HNF4G: variants seen among roughly 807,000 people sequenced by gnomAD.
HNF4G encodes the protein hepatocyte nuclear factor 4-gamma.
HNF4G carries 21 observed loss-of-function variants against 50.9 expected under a neutral mutation model. The observed-to-expected ratio is 0.41, with a 90% CI of 0.29 to 0.59. HNF4G has a LOEUF of 0.59. HNF4G is among the 20% of genes least tolerant of loss of function. The pLI is 0.26. For synonymous variants in HNF4G, 198 were observed against 185.6 expected, an observed-to-expected ratio of 1.07 and a Z score of -0.54; for missense variants, 527 against 559.4, an observed-to-expected ratio of 0.94 and a Z score of 0.58.
intron 1 of HNF4G, among the ~76,000 whole-genome samples, chr8:75,445,681 A>C (rs1320721381): frequency 7.6e-6 from 1 of 130,990 alleles, no homozygotes; most frequent in Admixed American, 7.7e-5. Context: ...AAAATCGAGA[A>C]GAAATGGATA....
At chr8:75,430,768 C>T (rs1810998170) in intron 1 of HNF4G, among the ~76,000 whole-genome samples, 1 of 152,072 alleles carries the variant, frequency 6.6e-6, no homozygotes, top group Non-Finnish European at 1.5e-5. Flanking sequence ...AAAGGTCCCA[C>T]ATAACTCTCA....
chr8:75,472,141 C>G (rs1812128989), intron 1 of HNF4G, among the ~76,000 whole-genome samples: 1 of 152,196 alleles, frequency 6.6e-6, no homozygotes, highest in Non-Finnish European at 1.5e-5. Flanking sequence ...TACCACTCCT[C>G]TTTCCCACCT....
intron 1 of HNF4G, among the ~76,000 whole-genome samples, chr8:75,467,770 AT>A (rs901213734): frequency 4.6e-5 from 7 of 151,600 alleles, no homozygotes; most frequent in Admixed American, 2.0e-4. Flanking sequence ...AAAAGTAATT[AT>A]TTTTTTTTAA....
chr8:75,458,388 T>TC (rs34196989), intron 1 of HNF4G, among the ~76,000 whole-genome samples: 6,544 of 149,478 alleles, frequency 0.044, 125 homozygotes, highest in Non-Finnish European at 0.065. Context: ...TTTTTTTTTT[T>TC]TTTACTTCTA....
At chr8:75,518,882 C>T (rs572607092) in intron 2 of HNF4G, among the ~76,000 whole-genome samples, 30 of 152,220 alleles carry the variant, frequency 2.0e-4, no homozygotes, top group African/African-American at 5.8e-4. Flanking sequence ...TTTCTGCAGC[C>T]GGCTTGAATT....
chr8:75,439,027 T>C (rs1045529301), intron 1 of HNF4G, among the ~76,000 whole-genome samples: 7 of 152,052 alleles, frequency 4.6e-5, no homozygotes, highest in African/African-American at 1.2e-4. Flanking sequence ...TGTGTATTCA[T>C]TGTATATTTA....
chr8:75,413,484 T>A (rs934794316), intron 1 of HNF4G, among the ~76,000 whole-genome samples: 4 of 148,756 alleles, frequency 2.7e-5, no homozygotes, highest in African/African-American at 9.8e-5. Context: ...GTGAGAGAGA[T>A]TGAAACTGAC....
At chr8:75,476,921 A>T (rs2130646802) in intron 1 of HNF4G, among the ~76,000 whole-genome samples, 1 of 152,314 alleles carries the variant, frequency 6.6e-6, no homozygotes, top group South Asian at 2.1e-4. Flanking sequence ...CAGTGTTAAC[A>T]TTTCTAATAT....
At chr8:75,427,987 T>A (rs1408897852) in intron 1 of HNF4G, among the ~76,000 whole-genome samples, 1 of 152,182 alleles carries the variant, frequency 6.6e-6, no homozygotes, top group Non-Finnish European at 1.5e-5. Flanking sequence ...ATTGTTTTAG[T>A]ACTAGAAATC....
chr8:75,532,755 C>G (rs936228675), intron 2 of HNF4G, among the ~76,000 whole-genome samples: 2 of 152,012 alleles, frequency 1.3e-5, no homozygotes, highest in Admixed American at 1.3e-4. Flanking sequence ...CTGAAATACC[C>G]ATGACTAAAC....
chr8:75,415,813 G>A (rs1810620087), intron 1 of HNF4G, among the ~76,000 whole-genome samples: 1 of 152,124 alleles, frequency 6.6e-6, no homozygotes, highest in African/African-American at 2.4e-5. Context: ...TACATTTAAT[G>A]GAGTGTGAGG....
At chr8:75,427,111 T>C (rs753170985) in intron 1 of HNF4G, among the ~76,000 whole-genome samples, 5 of 152,182 alleles carry the variant, frequency 3.3e-5, no homozygotes, top group African/African-American at 7.2e-5. Flanking sequence ...ACCAGTATTA[T>C]CAAAAATTTA....
intron 1 of HNF4G, among the ~76,000 whole-genome samples, chr8:75,464,224 A>T (rs556757877): frequency 9.0e-4 from 125 of 139,642 alleles, no homozygotes; most frequent in South Asian, 9.2e-4. Flanking sequence ...CCATGTGAAA[A>T]TGGATTCTCT....
chr8:75,546,505 C>T (rs533837253), intron 2 of HNF4G, among the ~76,000 whole-genome samples: 1 of 152,000 alleles, frequency 6.6e-6, no homozygotes, highest in African/African-American at 2.4e-5. Flanking sequence ...GTAGTTACTC[C>T]CCCATTTCCT....
chr8:75,533,690 G>C (rs1327528991), intron 2 of HNF4G, among the ~76,000 whole-genome samples: 1 of 151,770 alleles, frequency 6.6e-6, no homozygotes, highest in African/African-American at 2.4e-5. Context: ...TCAAAAAGGA[G>C]GTGAAATATT....
chr8:75,556,078 T>A lies in HNF4G; in HGVS notation c.733+9T>A. On this transcript the variant is annotated intron_variant, in intron 6 of 9. Coordinates refer to ENST00000396423, the MANE Select transcript of HNF4G (RefSeq NM_004133.5). Reference sequence around the variant, plus strand: ...AGATATTTTGCTTTTGGGTAAGTTTTTTTTTTTTAATTTAAGAAGAAATTA... The same window carrying A: ...AGATATTTTGCTTTTGGGTAAGTTTATTTTTTTTAATTTAAGAAGAAATTA... 6.9e-7 allele frequency: 1 copy of A among 1,448,554 alleles called. No homozygotes were observed. Among genetic ancestry groups the A allele is most frequent in the Non-Finnish European group, 9.5e-7 (1 of 1,058,004 alleles). 89.7% of individuals were successfully genotyped at this position (1,448,554 alleles called of 1,614,324 possible).
chr8:75,538,418 T>C (rs1369541358), upstream of HNF4G, among the ~76,000 whole-genome samples: 3 of 152,202 alleles, frequency 2.0e-5, no homozygotes, highest in African/African-American at 7.2e-5. Flanking sequence ...GAGCTTTTCC[T>C]ATCTTTTTCT....
At chr8:75,538,073 A>G (rs1585934679), upstream of HNF4G, among the ~76,000 whole-genome samples, 1 of 152,168 alleles carries the variant, frequency 6.6e-6, no homozygotes, top group Non-Finnish European at 1.5e-5. Context: ...ATATCATTAC[A>G]AAGACTACCC....
intron 2 of HNF4G, among the ~76,000 whole-genome samples, chr8:75,526,386 T>G (rs1806181446): frequency 6.6e-6 from 1 of 152,178 alleles, no homozygotes; most frequent in African/African-American, 2.4e-5. Flanking sequence ...GCATTCATTC[T>G]TGGACATATA....
Sources: gnomAD v4.1 joint callset for allele counts (sites outside exome capture counted in the v4.1 genomes callset) on GRCh38, gnomAD v4.1.1 for gene constraint, MANE v1.5 for transcripts, NCBI Gene and HGNC (gene_info 2026-07-23, HGNC 2026-07-21) for gene names.